AGBL4: variants seen among roughly 807,000 people sequenced by gnomAD.
AGBL4 encodes the protein AGBL carboxypeptidase 4.
Under a neutral mutation model 66.4 loss-of-function variants are expected in AGBL4, and 58 were observed. That is an observed-to-expected ratio of 0.87 (90% CI 0.71 to 1.09). The LOEUF (loss-of-function observed/expected upper bound fraction) is 1.09. AGBL4 is among the 50% of genes least tolerant of loss of function. The probability of loss-of-function intolerance (pLI) is 0.00; values close to 1 mark genes in which losing one functional copy is unlikely to be tolerated. For synonymous variants in AGBL4, 234 were observed against 222.9 expected (o/e 1.05, Z -0.44); for missense variants, 579 against 631.0 (o/e 0.92, Z 0.88).
intron 4 of AGBL4, among the ~76,000 whole-genome samples, chr1:49,056,261 A>C (rs1389159335): frequency 6.6e-6 from 1 of 152,176 alleles, no homozygotes; most frequent in Non-Finnish European, 1.5e-5. Context: ...GGGGGAAAAA[A>C]AAAAGCAATT....
At chr1:48,769,565 ACACAC>A (rs1450192488) in intron 6 of AGBL4, among the ~76,000 whole-genome samples, 120 of 146,220 alleles carry the variant, frequency 8.2e-4, no homozygotes, top group African/African-American at 2.9e-3. Flanking sequence ...ACACACACAC[ACACAC>A]AAGTTAAATT....
chr1:48,591,089 C>CA, intron 9 of AGBL4, 104 bp from the exon 10 acceptor site: 1 of 685,122 alleles, frequency 1.5e-6, no homozygotes, highest in Non-Finnish European at 2.2e-6. Context: ...CACACCCACC[C>CA]ACCCCCCCCC....
intron 6 of AGBL4, among the ~76,000 whole-genome samples, chr1:48,688,606 C>T (rs1306983703): frequency 6.6e-6 from 1 of 152,164 alleles, no homozygotes; most frequent in Non-Finnish European, 1.5e-5. Flanking sequence ...GCCTCGTTCC[C>T]TTTGCTTACA....
chr1:49,997,174 C>T (rs945068870), intron 1 of AGBL4, among the ~76,000 whole-genome samples: 1 of 151,998 alleles, frequency 6.6e-6, no homozygotes, highest in African/African-American at 2.4e-5. Context: ...GGGCAACAGA[C>T]AGCATGATGA....
At chr1:49,834,344 T>C (rs1291389078) in intron 2 of AGBL4, among the ~76,000 whole-genome samples, 1 of 152,236 alleles carries the variant, frequency 6.6e-6, no homozygotes, top group Admixed American at 6.5e-5. Flanking sequence ...TATCCATTTC[T>C]TCTAGATATT....
chr1:48,905,763 T>A (rs1652526294), intron 5 of AGBL4, among the ~76,000 whole-genome samples: 1 of 152,174 alleles, frequency 6.6e-6, no homozygotes, highest in African/African-American at 2.4e-5. Context: ...TTGGTTGAGA[T>A]CCACCATTCT....
chr1:49,100,343 C>T (rs1468132901), intron 4 of AGBL4, among the ~76,000 whole-genome samples: 1 of 152,136 alleles, frequency 6.6e-6, no homozygotes, highest in Non-Finnish European at 1.5e-5. Flanking sequence ...AGGAACACAA[C>T]ATTGGCTGTG....
At chr1:49,775,956 G>A (rs182459053) in intron 2 of AGBL4, among the ~76,000 whole-genome samples, 9 of 152,154 alleles carry the variant, frequency 5.9e-5, no homozygotes, top group Non-Finnish European at 1.3e-4. Context: ...TGGGAAGTAT[G>A]CATATATTGA....
At chr1:49,795,793 C>T (rs1644715831) in intron 2 of AGBL4, among the ~76,000 whole-genome samples, 1 of 151,786 alleles carries the variant, frequency 6.6e-6, no homozygotes, top group Admixed American at 6.6e-5. Flanking sequence ...CATATACCAA[C>T]ATAATTTTGA....
chr1:49,837,213 C>T (rs1645874390), intron 2 of AGBL4, among the ~76,000 whole-genome samples: 1 of 152,164 alleles, frequency 6.6e-6, no homozygotes, highest in Non-Finnish European at 1.5e-5. Flanking sequence ...ATCTATAAGC[C>T]CCTGACTGGG....
intron 2 of AGBL4, chr1:49,846,490 AT>A: frequency 1.1e-6 from 1 of 942,026 alleles, no homozygotes; most frequent in East Asian, 2.6e-5. Context: ...CATGAGAAAC[AT>A]ATGTCTTTAT....
At chr1:49,770,069 GTGACTCACGCCTGTA>G in intron 2 of AGBL4, among the ~76,000 whole-genome samples, 1 of 152,264 alleles carries the variant, frequency 6.6e-6, no homozygotes, top group Admixed American at 6.5e-5. Flanking sequence ...GCTGGGCGCG[GTGACTCACGCCTGTA>G]ATCCCAGCAC....
chr1:49,073,548 A>G (rs1215265475), intron 4 of AGBL4, among the ~76,000 whole-genome samples: 1 of 152,184 alleles, frequency 6.6e-6, no homozygotes, highest in African/African-American at 2.4e-5. Context: ...GGTCCACTCC[A>G]AACCTTGTTT....
intron 2 of AGBL4, among the ~76,000 whole-genome samples, chr1:49,827,674 T>C (rs777322290): frequency 9.2e-5 from 14 of 152,190 alleles, no homozygotes; most frequent in Non-Finnish European, 1.5e-4. Context: ...TTTACAGTCA[T>C]TTGACATCCA....
chr1:49,469,901 G>A lies in AGBL4; in HGVS notation c.283-224037C>T, dbSNP rs111632552. On this transcript the variant is annotated intron_variant, in intron 3 of 13. Transcript: ENST00000371839. ...TGGCTGAAGCACAGAGTCTATGTAA[G>A]AGAGGAATACGAGACAGGACTGGAT... 34 of 151,982 alleles carry A rather than the reference G, an allele frequency of 2.2e-4. 1 individual carries two copies. Among genetic ancestry groups the A allele is most frequent in the Non-Finnish European group, 4.1e-4 (28 of 67,892 alleles). The allele number at this position is 151,982 out of a possible 1,614,324, so 9.4% of individuals were successfully genotyped here. A position where few individuals can be genotyped will look rare whatever the true frequency, so the allele number is the denominator to read the frequency against.
chr1:49,611,345 C>G (rs1228598849), intron 3 of AGBL4, among the ~76,000 whole-genome samples: 3 of 151,350 alleles, frequency 2.0e-5, no homozygotes, highest in Non-Finnish European at 4.4e-5. Context: ...GGTGAATAGC[C>G]CAGTGGATAT....
intron 4 of AGBL4, among the ~76,000 whole-genome samples, chr1:49,113,033 G>A (rs1645444060): frequency 1.3e-5 from 2 of 151,300 alleles, no homozygotes; most frequent in African/African-American, 4.9e-5. Flanking sequence ...CTCACTGCGA[G>A]CTCTGCCTCC....
At position 49,733,678 on chromosome 1, in the gene AGBL4, G is replaced by C. The variant is rs79468476; in HGVS notation, c.158-36241C>G. Among the ~76,000 whole-genome samples the C allele has an allele frequency of 1.8e-4, 27 of 152,174 alleles. No homozygotes were observed. In the East Asian group the frequency reaches 5.0e-3, roughly 28 times the overall value. ...GGTGGGGCCTTCAGAGAGGTGTTTA[G>C]GTCATGAGGACTCTGCCTTCATTAA... On this transcript the variant is annotated intron_variant, in intron 2 of 13. Transcript: ENST00000371839.
chr1:49,312,359 T>C (rs1410130521), intron 3 of AGBL4, among the ~76,000 whole-genome samples: 1 of 152,060 alleles, frequency 6.6e-6, no homozygotes, highest in Non-Finnish European at 1.5e-5. Flanking sequence ...ACACTGAACC[T>C]CCCAGCACCT....
Sources: allele counts gnomAD v4.1 joint callset (sites outside exome capture counted in the v4.1 genomes callset), GRCh38; gene constraint gnomAD v4.1.1; transcripts MANE v1.5; gene names NCBI Gene and HGNC (gene_info 2026-07-23, HGNC 2026-07-21).